Variants in TRIOBP observed in about 807,000 individuals in gnomAD.
TRIOBP encodes TRIO and F-actin binding protein, also known as TRIO and F-actin-binding protein.
TRIOBP carries 169 observed loss-of-function variants against 238.8 expected under a neutral mutation model. The observed-to-expected ratio is 0.71, with a 90% CI of 0.62 to 0.80. The LOEUF (loss-of-function observed/expected upper bound fraction) is 0.80. Among genes scored for constraint, TRIOBP ranks in the 30% least tolerant of loss-of-function variants. TRIOBP has a pLI of 0.00. For synonymous variants in TRIOBP, 1,150 were observed against 1,274.4 expected, an observed-to-expected ratio of 0.90 and a Z score of 2.08; for missense variants, 2,838 against 3,122.6, an observed-to-expected ratio of 0.91 and a Z score of 2.17.
At position 37,746,500 on chromosome 22, in the gene TRIOBP, CG is replaced by C. The variant is rs146527399; in HGVS notation, c.5323-5268del. On this transcript the variant is annotated intron_variant, in intron 11 of 23. Coordinates refer to ENST00000644935, the MANE Select transcript of TRIOBP (RefSeq NM_001039141.3). ...GAGGCAGAGCCCAGCCTCTCCCCTCCGGGGCAGCCCCCTCCTCATTTCCCGA... is the reference window on the plus strand; with the variant it reads ...GAGGCAGAGCCCAGCCTCTCCCCTCCGGGCAGCCCCCTCCTCATTTCCCGA... 5.4e-4 allele frequency: 650 copies of C among 1,213,056 alleles called. 4 individuals carry two copies. In the African/African-American group the frequency reaches 9.8e-3, roughly 18 times the overall value. 75.1% of individuals were successfully genotyped at this position (1,213,056 alleles called of 1,614,324 possible).
chr22:37,764,292 T>C (rs1212217684), intron 17 of TRIOBP, among the ~76,000 whole-genome samples: 2 of 152,208 alleles, frequency 1.3e-5, no homozygotes, highest in Non-Finnish European at 2.9e-5. Context: ...ACCTTTTCTG[T>C]GTTTTCTGTG....
intron 11 of TRIOBP, among the ~76,000 whole-genome samples, chr22:37,744,547 G>T (rs1289006161): frequency 2.6e-5 from 4 of 152,176 alleles, no homozygotes; most frequent in Admixed American, 2.0e-4. Context: ...GTACTAGGAG[G>T]AGTCGCAGGG....
In TRIOBP at chr22:37,757,692, G is replaced by A. The variant is rs150947392; in HGVS notation, c.5767G>A (p.Ala1923Thr). Residue 1923 changes from alanine (A) to threonine (T), a missense_variant, in exon 16 of 24, where the codon GCG (alanine) becomes ACG (threonine). Ala to Thr is a moderately conservative substitution (Grantham distance 58). This residue lies in a region of TRIOBP where 2,096 missense variants were observed against 2,137.4 expected (regional missense o/e 0.98). Coordinates refer to ENST00000644935, the MANE Select transcript of TRIOBP (RefSeq NM_001039141.3). Reference protein sequence around the residue: ...KGPLKAGEQRAGSEVISRGGP... With the variant: ...KGPLKAGEQRTGSEVISRGGP... ...CCCCCTGAAGGCAGGGGAGCAGCGG[G>A]CGGGCTCTGAGGTCATCAGCCGGGG... 812 of 1,585,030 alleles carry A rather than the reference G, an allele frequency of 5.1e-4. 6 individuals are homozygous for A. The Middle Eastern group carries it at 5.1e-3, about 10-fold the overall frequency.
rs146036150 is a variant in TRIOBP, at chr22:37,738,351, G to A, written c.5107-291G>A. Among the ~76,000 whole-genome samples, 370 of 104,776 alleles carry A rather than the reference G, an allele frequency of 3.5e-3. 2 individuals carry two copies. Among genetic ancestry groups the A allele is most frequent in the Middle Eastern group, 0.03 (6 of 198 alleles). The allele number at this position is 104,776 out of a possible 152,430, so 68.7% of individuals were successfully genotyped here. ...CAGATGATAGATGTTGGAGATATGG[G>A]TAGATGGATGATGGATGGAGAGAGG... On this transcript the variant is annotated intron_variant, in intron 9 of 23. Coordinates refer to ENST00000644935, the MANE Select transcript of TRIOBP (RefSeq NM_001039141.3).
intron 11 of TRIOBP, chr22:37,751,147 C>T: frequency 2.3e-6 from 1 of 430,024 alleles, no homozygotes; most frequent in East Asian, 7.2e-5. Flanking sequence ...GGACATGCTG[C>T]AGCTGGTAGC....
intron 11 of TRIOBP, among the ~76,000 whole-genome samples, chr22:37,745,964 C>T (rs1215316002): frequency 6.6e-6 from 1 of 151,440 alleles, no homozygotes; most frequent in Admixed American, 6.6e-5. Context: ...GCCCTTCCTT[C>T]CTCCCAGCGC....
rs1181426356 is a variant in TRIOBP, at chr22:37,768,056, T to A, written c.6473-18T>A. ...ACCCCCCTCCAGTCTCTCTTGTGCC[T>A]CTCTGCCCTGCTTCCAGCCATTGAA... On this transcript the variant is annotated intron_variant, in intron 18 of 23. Transcript: ENST00000644935. 1.2e-6 allele frequency: 2 copies of A among 1,603,428 alleles called. No homozygotes were observed. Among genetic ancestry groups the A allele is most frequent in the African/African-American group, 2.7e-5 (2 of 74,680 alleles).
Position 37,751,793 on chromosome 22 carries a change from A to T in TRIOBP, c.5344A>T (p.Lys1782Ter). The T allele has an allele frequency of 6.2e-7, 1 of 1,613,960 alleles. No homozygotes were observed. The highest frequency in any genetic ancestry group is 8.5e-7 in the Non-Finnish European group (1 of 1,179,966). Residue 1782 changes from lysine to a stop codon, truncating the protein, a stop_gained, in exon 12 of 24, where the codon AAG (lysine) becomes TAG (stop). Transcript: ENST00000644935. LOFTEE classifies it high-confidence loss of function. ...ACAGCCCGATCTGCTCAACTTCAAG[A>T]AGGGATGGATGTCGATCTTGGACGA... ...WRRPDLLNFK[K>*]GWMSILDEPG...
chr22:37,713,158 T>G (rs1601622964), intron 4 of TRIOBP, 52 bp from the exon 5 acceptor site: 2 of 1,502,020 alleles, frequency 1.3e-6, no homozygotes, highest in East Asian at 4.8e-5. Flanking sequence ...CTGGGTGGGG[T>G]GGGGGATGCT....
rs192579344 is a variant in TRIOBP at position 37,720,251 on chromosome 22, C to T, written c.629-2934C>T. Among the ~76,000 whole-genome samples, 239 of 152,040 alleles carry T rather than the reference C, an allele frequency of 1.6e-3. 1 individual carries two copies. Among genetic ancestry groups the T allele is most frequent in the Non-Finnish European group, 2.8e-3 (190 of 67,970 alleles). On this transcript the variant is annotated intron_variant, in intron 6 of 23. Transcript: ENST00000644935. ...CTCGAACTCCCGACCTCAGGTGATC[C>T]GCTGATCCGCCTGCCTCGGCTTCCC...
chr22:37,755,313 G>A (rs1025859347), intron 14 of TRIOBP, 123 bp downstream of exon 14: 2 of 1,103,648 alleles, frequency 1.8e-6, no homozygotes, highest in Admixed American at 4.0e-5. Context: ...TTACCCAGAG[G>A]CCCTATCTTC....
rs1378255581 is a variant in TRIOBP at position 37,759,225 on chromosome 22, C to T, written c.6285C>T (p.Ser2095=). 6.2e-7 allele frequency: 1 copy of T among 1,613,108 alleles called. No individual in the cohort carries two copies. Among genetic ancestry groups the T allele is most frequent in the East Asian group, 2.2e-5 (1 of 44,874 alleles). ...AGGCTCCTCAGAGTGCACTGAGATCCCAGGAGGATGGCCACATCCCCCCGG... is the reference window on the plus strand; with the variant it reads ...AGGCTCCTCAGAGTGCACTGAGATCTCAGGAGGATGGCCACATCCCCCCGG... ...QGEAPQSALR[S]QEDGHIPPGY... The change falls in exon 17 of 24, where the codon TCC becomes TCT. Residue 2095 remains serine, a synonymous_variant. Transcript: ENST00000644935.
chr22:37,762,529 T>C (rs1458132691), intron 17 of TRIOBP, among the ~76,000 whole-genome samples: 1 of 152,224 alleles, frequency 6.6e-6, no homozygotes, highest in Non-Finnish European at 1.5e-5. Flanking sequence ...CAGACCTGTG[T>C]CTGGAGTTCA....
intron 17 of TRIOBP, among the ~76,000 whole-genome samples, chr22:37,761,155 G>A (rs1287346067): frequency 6.6e-6 from 1 of 152,000 alleles, no homozygotes; most frequent in African/African-American, 2.4e-5. Context: ...TGAGCTAATA[G>A]TTAGAAGCTC....
chr22:37,729,548 TAACTC>T (rs1217452203), intron 7 of TRIOBP, among the ~76,000 whole-genome samples: 3 of 152,228 alleles, frequency 2.0e-5, no homozygotes, highest in South Asian at 2.1e-4. Context: ...TCTTAACTAA[TAACTC>T]AGCAGGGACA....
intron 17 of TRIOBP, among the ~76,000 whole-genome samples, chr22:37,762,792 G>C (rs1385189951): frequency 6.6e-6 from 1 of 152,152 alleles, no homozygotes; most frequent in Non-Finnish European, 1.5e-5. Context: ...AGGAGTGACA[G>C]CTGGGAGGGA....
rs7287039 is a variant in TRIOBP at position 37,774,707 on chromosome 22, G to A, written c.*927G>A. 8,881 of 152,266 alleles carry A rather than the reference G, an allele frequency of 0.058. 871 individuals carry two copies. The highest frequency in any genetic ancestry group is 0.2 in the African/African-American group (8,196 of 41,484). The allele number at this position is 152,266 out of a possible 1,614,324, so 9.4% of individuals were successfully genotyped here. ...GTGTGGCTTGCAGGCTAGTGGCAGC[G>A]GAAGCATGTGGGAAATAGCAAGTCC... On this transcript the variant is annotated 3_prime_UTR_variant, in exon 24 of 24. Coordinates refer to ENST00000644935, the MANE Select transcript of TRIOBP (RefSeq NM_001039141.3).
At chr22:37,771,782 A>G (rs762581103) in intron 22 of TRIOBP, 46 bp downstream of exon 22, 33 of 1,567,060 alleles carry the variant, frequency 2.1e-5, no homozygotes, top group Non-Finnish European at 2.7e-5. Context: ...CTCTGGAGCC[A>G]TCTGGATGCC....
Position 37,701,388 on chromosome 22 carries a change from C to T in TRIOBP, c.23C>T (p.Ala8Val), listed in dbSNP as rs1164699155. 8 of 1,613,438 alleles carry T rather than the reference C, an allele frequency of 5.0e-6. No individual in the cohort carries two copies. The highest frequency in any genetic ancestry group is 2.2e-5 in the East Asian group (1 of 44,876). Residue 8 changes from alanine (A) to valine (V), a missense_variant, in exon 3 of 24, where the codon GCC becomes GTC. Ala to Val is a moderately conservative substitution (Grantham distance 64, BLOSUM62 0). Around this residue, in one of 5 missense-constraint regions of TRIOBP, gnomAD observed 535 missense variants for 537.3 expected, o/e 1.00. Transcript: ENST00000644935. The stretch of plus-strand genomic sequence containing the variant: ...AATATGGAGGAGGTGCCTGGGGATG[C>T]CCTGTGTGAACACTTTGAGGCCAAC... MEEVPGD[A>V]LCEHFEANIL... is the part of the protein sequence containing the mutation.
Sources: allele counts gnomAD v4.1 joint callset (sites outside exome capture counted in the v4.1 genomes callset), GRCh38; gene constraint gnomAD v4.1.1; regional missense constraint gnomAD v4.1.1; transcripts MANE v1.5; gene names NCBI Gene and HGNC (gene_info 2026-07-23, HGNC 2026-07-21).